Variants in POU2F1 observed in about 807,000 individuals in gnomAD.
POU2F1 encodes the protein POU class 2 homeobox 1, also known as POU domain, class 2, transcription factor 1.
Under a neutral mutation model 84.9 loss-of-function variants are expected in POU2F1, and 16 were observed. The ratio of observed to expected loss-of-function variants is 0.19; its 90% CI spans 0.13 to 0.29. The LOEUF (loss-of-function observed/expected upper bound fraction) is 0.29. POU2F1 is among the 10% of genes least tolerant of loss of function. The pLI is 1.00. For missense variants in POU2F1, 738 were observed against 942.6 expected, an observed-to-expected ratio of 0.78 and a Z score of 2.84; for synonymous variants, 368 against 368.3, an observed-to-expected ratio of 1.00 and a Z score of 0.01.
chr1:167,283,671 C>G (rs1041068454), intron 1 of POU2F1, among the ~76,000 whole-genome samples: 1 of 152,136 alleles, frequency 6.6e-6, no homozygotes, highest in Non-Finnish European at 1.5e-5. Context: ...GGTCCTGTGT[C>G]TTTCTGTTGT....
intron 1 of POU2F1, among the ~76,000 whole-genome samples, chr1:167,258,659 G>A (rs1651324424): frequency 6.6e-6 from 1 of 152,112 alleles, no homozygotes; most frequent in African/African-American, 2.4e-5. Context: ...AAATATTTCA[G>A]GCTTTGTAGG....
At chr1:167,323,382 G>C (rs1311814642) in intron 1 of POU2F1, among the ~76,000 whole-genome samples, 1 of 152,212 alleles carries the variant, frequency 6.6e-6, no homozygotes, top group Admixed American at 6.5e-5. Flanking sequence ...GATTGTTAGA[G>C]TGAACAGTAG....
chr1:167,267,630 C>CTT (rs71073658), intron 1 of POU2F1, among the ~76,000 whole-genome samples: 39,152 of 69,848 alleles, frequency 0.56, 14,417 homozygotes, highest in South Asian at 0.72. Context: ...GTTACTGTGT[C>CTT]TTTTTTTTTT....
In POU2F1 at chr1:167,312,965, A is replaced by G. The variant is rs968357998; in HGVS notation, c.62-19505A>G. Among the ~76,000 whole-genome samples the G allele has an allele frequency of 6.8e-4, 104 of 152,362 alleles. 1 individual carries two copies. The highest frequency in any genetic ancestry group is 6.2e-4 in the South Asian group (3 of 4,834). ...TATAGATTTGTAGCCTAGGAGCAAT[A>G]GGCTATGCCATATAGCCTAGGTGTA... On this transcript the variant is annotated intron_variant, in intron 1 of 15. Coordinates refer to ENST00000367866, the MANE Select transcript of POU2F1 (RefSeq NM_002697.4).
At chr1:167,394,601 T>C (rs2101903266) in intron 9 of POU2F1, among the ~76,000 whole-genome samples, 1 of 152,324 alleles carries the variant, frequency 6.6e-6, no homozygotes, top group Non-Finnish European at 1.5e-5. Flanking sequence ...CTTATGGCTA[T>C]TGAGCACTTG....
intron 1 of POU2F1, among the ~76,000 whole-genome samples, chr1:167,228,394 CAT>C (rs1255153232): frequency 1.3e-5 from 2 of 152,122 alleles, no homozygotes; most frequent in Non-Finnish European, 2.9e-5. Flanking sequence ...GAGATACAAA[CAT>C]AATTTAAAAA....
intron 1 of POU2F1, among the ~76,000 whole-genome samples, chr1:167,235,970 C>T (rs1222973497): frequency 6.6e-6 from 1 of 152,152 alleles, no homozygotes; most frequent in African/African-American, 2.4e-5. Flanking sequence ...GCTTTTAGTA[C>T]CACTCTATAT....
intron 1 of POU2F1, among the ~76,000 whole-genome samples, chr1:167,221,646 G>A (rs1171652582): frequency 1.3e-5 from 2 of 150,986 alleles, no homozygotes; most frequent in African/African-American, 4.8e-5. Flanking sequence ...CCCGCGCGGG[G>A]CTGAGCCCGG....
At chr1:167,354,543 C>A (rs1022739773) in intron 2 of POU2F1, among the ~76,000 whole-genome samples, 1 of 152,138 alleles carries the variant, frequency 6.6e-6, no homozygotes, top group Admixed American at 6.5e-5. Flanking sequence ...CTGCCCGTCT[C>A]GGCCTCCTGA....
At chr1:167,222,707 T>C (rs910581039) in intron 1 of POU2F1, among the ~76,000 whole-genome samples, 2 of 152,206 alleles carry the variant, frequency 1.3e-5, no homozygotes, top group African/African-American at 2.4e-5. Flanking sequence ...TTACTAGCAT[T>C]AAAACAGGTC....
intron 1 of POU2F1, among the ~76,000 whole-genome samples, chr1:167,267,623 ACTG>A (rs1200854520): frequency 8.3e-6 from 1 of 119,952 alleles, no homozygotes; most frequent in Non-Finnish European, 1.7e-5. Flanking sequence ...TATCACAGTT[ACTG>A]TGTCTTTTTT....
At chr1:167,350,706 T>C (rs2101785299) in intron 2 of POU2F1, among the ~76,000 whole-genome samples, 1 of 150,636 alleles carries the variant, frequency 6.6e-6, no homozygotes, top group African/African-American at 2.4e-5. Context: ...GAAAATGTAT[T>C]ATCTGTGTTA....
rs138886398 is a variant in POU2F1, at chr1:167,270,139, T to C, written c.61+49181T>C. On this transcript the variant is annotated intron_variant, in intron 1 of 15. Coordinates refer to ENST00000367866, the MANE Select transcript of POU2F1 (RefSeq NM_002697.4). ...AGTAATTCCTTTGTAGGAACAGTAG[T>C]AACATTTTATTTTGAAAATTTCATG... 5.2e-3 allele frequency among the ~76,000 whole-genome samples: 786 copies of C among 152,308 alleles called. 8 individuals are homozygous for C. Among genetic ancestry groups the C allele is most frequent in the African/African-American group, 0.018 (742 of 41,570 alleles).
intron 2 of POU2F1, chr1:167,338,333 C>T (rs1032285327): frequency 4.8e-6 from 2 of 417,036 alleles, no homozygotes; most frequent in African/African-American, 4.1e-5. Context: ...AATACATATA[C>T]AAATATGTTT....
At chr1:167,254,767 T>G (rs1180644321) in intron 1 of POU2F1, among the ~76,000 whole-genome samples, 1 of 152,198 alleles carries the variant, frequency 6.6e-6, no homozygotes, top group Non-Finnish European at 1.5e-5. Context: ...TCTACCCCAG[T>G]GTCTTGAAAA....
At chr1:167,329,845 A>G (rs768364914) in intron 1 of POU2F1, among the ~76,000 whole-genome samples, 1 of 152,164 alleles carries the variant, frequency 6.6e-6, no homozygotes, top group Non-Finnish European at 1.5e-5. Context: ...TTTAGAAACT[A>G]TTAACTTTTC....
intron 1 of POU2F1, among the ~76,000 whole-genome samples, chr1:167,309,233 G>T (rs934359250): frequency 6.6e-6 from 1 of 152,046 alleles, no homozygotes; most frequent in African/African-American, 2.4e-5. Context: ...TCCATGGACA[G>T]AACTAGAGAA....
chr1:167,234,410 A>G (rs530434435), intron 1 of POU2F1, among the ~76,000 whole-genome samples: 40 of 152,318 alleles, frequency 2.6e-4, no homozygotes, highest in Non-Finnish European at 4.9e-4. Context: ...TAACCCATAC[A>G]TTCTCAACAT....
At chr1:167,310,964 GAACAAATAA>G in intron 1 of POU2F1, among the ~76,000 whole-genome samples, 1 of 152,228 alleles carries the variant, frequency 6.6e-6, no homozygotes, top group African/African-American at 2.4e-5. Flanking sequence ...AGAGAAAAGA[GAACAAATAA>G]TCAGTGGACC....
Sources: allele counts gnomAD v4.1 joint callset (sites outside exome capture counted in the v4.1 genomes callset), GRCh38; gene constraint gnomAD v4.1.1; transcripts MANE v1.5; gene names NCBI Gene and HGNC (gene_info 2026-07-23, HGNC 2026-07-21).